Variants in RGS20 observed in about 807,000 individuals in gnomAD.
RGS20 encodes the protein regulator of G protein signaling 20.
A neutral mutation model predicts 33.6 loss-of-function variants in RGS20; 30 were observed. The ratio of observed to expected loss-of-function variants is 0.89; its 90% confidence interval spans 0.67 to 1.21. The LOEUF (loss-of-function observed/expected upper bound fraction) is 1.21, where lower values mean the gene tolerates loss of function less well. Among genes scored for constraint, RGS20 ranks in the 50% most tolerant of loss-of-function variants. The pLI is 0.00. For synonymous variants in RGS20, 208 were observed against 197.9 expected (o/e 1.05, Z -0.43); for missense variants, 472 against 502.4 (o/e 0.94, Z 0.58).
At chr8:53,909,381 C>T (rs984407771) in intron 2 of RGS20, among the ~76,000 whole-genome samples, 3 of 151,284 alleles carry the variant, frequency 2.0e-5, no homozygotes, top group African/African-American at 7.3e-5. Flanking sequence ...TCCCAAATAG[C>T]TGGGACTATA....
chr8:53,881,132 C>A, intron 2 of RGS20, 48 bp downstream of exon 1: 1 of 1,388,798 alleles, frequency 7.2e-7, no homozygotes, highest in East Asian at 2.6e-5. Flanking sequence ...TCGGGCTCGC[C>A]CTGAGGCTTC....
At chr8:53,949,714 CTCAA>C (rs953911471) in intron 4 of RGS20, among the ~76,000 whole-genome samples, 8 of 151,490 alleles carry the variant, frequency 5.3e-5, no homozygotes, top group East Asian at 1.9e-4. Flanking sequence ...AAGACTCTGC[CTCAA>C]TCAATCAATC....
At chr8:53,900,889 C>T (rs1311467872) in intron 2 of RGS20, among the ~76,000 whole-genome samples, 2 of 152,214 alleles carry the variant, frequency 1.3e-5, no homozygotes, top group Admixed American at 6.5e-5. Flanking sequence ...TCAGAGGACT[C>T]CTCCAAGTAA....
intron 5 of RGS20, among the ~76,000 whole-genome samples, chr8:53,955,058 G>A (rs1437281675): frequency 1.3e-5 from 2 of 151,128 alleles, no homozygotes; most frequent in African/African-American, 2.4e-5. Flanking sequence ...ATTTGGAGCC[G>A]CTCTGCAGGT....
At chr8:53,928,972 A>G (rs1410866221) in intron 2 of RGS20, among the ~76,000 whole-genome samples, 1 of 152,256 alleles carries the variant, frequency 6.6e-6, no homozygotes, top group Admixed American at 6.5e-5. Context: ...CTGCTCAGGA[A>G]TAACAAGGAA....
At chr8:53,861,256 A>G (rs949891746) in intron 1 of RGS20, among the ~76,000 whole-genome samples, 1 of 152,218 alleles carries the variant, frequency 6.6e-6, no homozygotes, top group Non-Finnish European at 1.5e-5. Context: ...ATCTGTGGAT[A>G]AGCCCCACAA....
intron 5 of RGS20, among the ~76,000 whole-genome samples, chr8:53,955,931 A>G (rs899480787): frequency 4.6e-5 from 7 of 152,144 alleles, no homozygotes; most frequent in Non-Finnish European, 1.5e-5. Context: ...ATTTCCTACT[A>G]TGTGCCGACA....
chr8:53,940,493 A>G (rs1037840740), intron 3 of RGS20, among the ~76,000 whole-genome samples: 2 of 152,234 alleles, frequency 1.3e-5, no homozygotes, highest in Non-Finnish European at 2.9e-5. Context: ...CCAAGACCTC[A>G]CTGTCTGCTG....
chr8:53,940,902 C>T (rs1161697771), intron 3 of RGS20, among the ~76,000 whole-genome samples: 1 of 152,166 alleles, frequency 6.6e-6, no homozygotes, highest in African/African-American at 2.4e-5. Flanking sequence ...AGGAGGAAGA[C>T]ACCAGTGATG....
At chr8:53,949,207 G>C (rs1232876886) in intron 4 of RGS20, among the ~76,000 whole-genome samples, 1 of 131,686 alleles carries the variant, frequency 7.6e-6, no homozygotes, top group Non-Finnish European at 1.6e-5. Flanking sequence ...TGCTATATAA[G>C]ATACAGTATA....
intron 2 of RGS20, among the ~76,000 whole-genome samples, chr8:53,924,183 A>G (rs1315477863): frequency 2.6e-5 from 4 of 151,216 alleles, no homozygotes; most frequent in East Asian, 2.0e-4. Context: ...AGACCCAGCT[A>G]ATTTTTTTAT....
intron 4 of RGS20, among the ~76,000 whole-genome samples, chr8:53,952,122 G>T (rs1814725063): frequency 7.0e-6 from 1 of 143,186 alleles, no homozygotes; most frequent in Non-Finnish European, 1.5e-5. Flanking sequence ...CTGTCACCCA[G>T]GCTGGAGTGC....
chr8:53,945,244 T>C (rs1814439275), intron 3 of RGS20: 1 of 152,212 alleles, frequency 6.6e-6, no homozygotes, highest in Non-Finnish European at 1.5e-5. Context: ...ATGTGATGTG[T>C]CTATCCAAAC....
At chr8:53,875,778 G>C (rs972971411) in intron 1 of RGS20, among the ~76,000 whole-genome samples, 4 of 152,190 alleles carry the variant, frequency 2.6e-5, no homozygotes, top group Non-Finnish European at 4.4e-5. Context: ...CTGATTATGA[G>C]CTGCAGAAAT....
chr8:53,908,368 G>A (rs1005100190), intron 2 of RGS20, among the ~76,000 whole-genome samples: 7 of 152,094 alleles, frequency 4.6e-5, no homozygotes, highest in Non-Finnish European at 8.8e-5. Flanking sequence ...TGCTGGGAGC[G>A]GTGATTCATG....
chr8:53,941,132 G>C (rs1814284708), intron 3 of RGS20, among the ~76,000 whole-genome samples: 1 of 152,202 alleles, frequency 6.6e-6, no homozygotes, highest in African/African-American at 2.4e-5. Context: ...ATAGTGTAAG[G>C]CTAGAGGGCG....
intron 2 of RGS20, among the ~76,000 whole-genome samples, chr8:53,905,210 A>G (rs1037984575): frequency 2.0e-5 from 3 of 152,202 alleles, no homozygotes; most frequent in Non-Finnish European, 2.9e-5. Flanking sequence ...AAAACAATGG[A>G]CCAGCTTTTT....
At chr8:53,943,184 A>G (rs1233625626) in intron 3 of RGS20, among the ~76,000 whole-genome samples, 1 of 152,186 alleles carries the variant, frequency 6.6e-6, no homozygotes, top group Non-Finnish European at 1.5e-5. Context: ...AAGAAATGAG[A>G]TGGGGAAAAG....
intron 2 of RGS20, among the ~76,000 whole-genome samples, chr8:53,906,284 G>A (rs1369791804): frequency 6.6e-6 from 1 of 152,002 alleles, no homozygotes; most frequent in Non-Finnish European, 1.5e-5. Flanking sequence ...GCTAAAGCAG[G>A]AGAATCACTT....
Sources: gnomAD v4.1 joint callset for allele counts (sites outside exome capture counted in the v4.1 genomes callset) on GRCh38, gnomAD v4.1.1 for gene constraint, MANE v1.5 for transcripts, NCBI Gene and HGNC (gene_info 2026-07-23, HGNC 2026-07-21) for gene names.